Variants in FRMD4A observed in about 807,000 individuals in gnomAD.
The protein encoded by FRMD4A is FERM domain containing 4A, also known as FERM domain-containing protein 4A.
In FRMD4A, 29 loss-of-function variants were observed where a neutral mutation model predicts 129.1. The ratio of observed to expected loss-of-function variants is 0.22; its 90% CI spans 0.17 to 0.31. The LOEUF (loss-of-function observed/expected upper bound fraction) is 0.31, where lower values mean the gene tolerates loss of function less well. FRMD4A is among the 10% of genes least tolerant of loss of function. The pLI, the probability that FRMD4A is intolerant of heterozygous loss-of-function variation, is 1.00. For synonymous variants in FRMD4A, 634 were observed against 571.6 expected (o/e 1.11, Z -1.56); for missense variants, 1,272 against 1,375.8 (o/e 0.92, Z 1.19).
chr10:13,693,096 C>G (rs960454507), intron 15 of FRMD4A: 4 of 149,824 alleles, frequency 2.7e-5, no homozygotes, highest in Admixed American at 1.3e-4. Flanking sequence ...TGGTCTTAAA[C>G]TCCCTGGCCT....
At chr10:14,139,763 A>T (rs1480156733) in intron 2 of FRMD4A, among the ~76,000 whole-genome samples, 1 of 152,156 alleles carries the variant, frequency 6.6e-6, no homozygotes, top group African/African-American at 2.4e-5. Flanking sequence ...TATGTTTCCT[A>T]TAAGACATAT....
At chr10:13,745,868 C>T (rs1290746415) in intron 9 of FRMD4A, among the ~76,000 whole-genome samples, 17 of 152,130 alleles carry the variant, frequency 1.1e-4, no homozygotes, top group Non-Finnish European at 2.1e-4. Flanking sequence ...AGGGATGAGG[C>T]CCAGTGGCAC....
intron 7 of FRMD4A, 107 bp downstream of exon 7, chr10:13,762,517 A>T (rs947189291): frequency 2.9e-6 from 2 of 680,696 alleles, no homozygotes; most frequent in Non-Finnish European, 5.2e-6. Flanking sequence ...AAAAGGTAAG[A>T]CGACAAATAG....
chr10:13,766,337 C>T (rs1180455674), intron 6 of FRMD4A, among the ~76,000 whole-genome samples: 3 of 152,170 alleles, frequency 2.0e-5, no homozygotes, highest in South Asian at 2.1e-4. Context: ...GGTGACTTTT[C>T]GGGTGAAAAG....
At chr10:13,884,289 A>G (rs1323971963) in intron 2 of FRMD4A, among the ~76,000 whole-genome samples, 1 of 151,766 alleles carries the variant, frequency 6.6e-6, no homozygotes, top group African/African-American at 2.4e-5. Flanking sequence ...TATTTCTGCC[A>G]TTAACTTGTT....
intron 2 of FRMD4A, among the ~76,000 whole-genome samples, chr10:14,175,362 T>C (rs1372051537): frequency 1.3e-5 from 2 of 152,142 alleles, no homozygotes; most frequent in Non-Finnish European, 2.9e-5. Flanking sequence ...AATCACAGGC[T>C]GGTCCCAGGC....
In FRMD4A at chr10:14,319,349, C is replaced by CCTCTCT. The variant is rs10645584; in HGVS notation, c.45+10703_45+10708dup. Among the ~76,000 whole-genome samples the CCTCTCT allele has an allele frequency of 8.1e-4, 111 of 137,356 alleles. 2 individuals carry two copies. In the East Asian group the frequency reaches 9.2e-3, roughly 11 times the overall value. 90.1% of individuals were successfully genotyped at this position (137,356 alleles called of 152,430 possible). ...CAGTAGTAACTGAATATCTCTCTCTCCTCTCTCTCTCTCTCTCTCACACAC... is the reference window on the plus strand; with the variant it reads ...CAGTAGTAACTGAATATCTCTCTCTCCTCTCTCTCTCTCTCTCTCTCTCTCACACAC... On this transcript the variant is annotated intron_variant, in intron 2 of 24. Transcript: ENST00000357447.
At chr10:14,241,984 G>A (rs79612559) in intron 2 of FRMD4A, among the ~76,000 whole-genome samples, 436 of 152,210 alleles carry the variant, frequency 2.9e-3, no homozygotes, top group South Asian at 5.4e-3. Flanking sequence ...AGGAGTAGGA[G>A]GAAACTGCTG....
At chr10:14,103,448 G>A (rs1029935625) in intron 2 of FRMD4A, among the ~76,000 whole-genome samples, 1 of 152,228 alleles carries the variant, frequency 6.6e-6, no homozygotes, top group African/African-American at 2.4e-5. Context: ...ATCCACTGAG[G>A]TTGGTGGAGG....
intron 2 of FRMD4A, among the ~76,000 whole-genome samples, chr10:14,286,003 T>A (rs1330086489): frequency 1.3e-5 from 2 of 152,228 alleles, no homozygotes; most frequent in Non-Finnish European, 2.9e-5. Flanking sequence ...ATGAAAGAAC[T>A]TCTGAGTTCC....
intron 15 of FRMD4A, chr10:13,685,413 T>C (rs1176164046): frequency 2.0e-6 from 2 of 985,046 alleles, no homozygotes; most frequent in Admixed American, 1.2e-4. Context: ...ATTAGCAGCA[T>C]CCAGTAAAAT....
intron 2 of FRMD4A, among the ~76,000 whole-genome samples, chr10:14,042,889 C>A (rs1185030329): frequency 1.5e-5 from 2 of 131,260 alleles, no homozygotes; most frequent in Non-Finnish European, 3.1e-5. Flanking sequence ...CGTACCACTG[C>A]ACTCCAGCCT....
intron 2 of FRMD4A, among the ~76,000 whole-genome samples, chr10:13,971,099 C>T (rs2095515147): frequency 6.6e-6 from 1 of 152,214 alleles, no homozygotes; most frequent in Non-Finnish European, 1.5e-5. Flanking sequence ...TACACTCACA[C>T]ACACACACGT....
intron 2 of FRMD4A, among the ~76,000 whole-genome samples, chr10:13,874,376 G>C (rs369758358): frequency 7.3e-5 from 11 of 151,700 alleles, no homozygotes; most frequent in African/African-American, 2.7e-4. Flanking sequence ...TAAATCCCAG[G>C]TAGTTTATAA....
At chr10:13,672,272 C>T (rs977293022) in intron 16 of FRMD4A, among the ~76,000 whole-genome samples, 4 of 151,994 alleles carry the variant, frequency 2.6e-5, no homozygotes, top group Non-Finnish European at 5.9e-5. Flanking sequence ...TCAGACTCTG[C>T]AATTTTCTTC....
chr10:13,726,576 C>T lies in FRMD4A; in HGVS notation c.759+11268G>A, dbSNP rs550885181. Among the ~76,000 whole-genome samples, 16 of 152,296 alleles carry T rather than the reference C, an allele frequency of 1.1e-4. No individual in the cohort carries two copies. The East Asian group carries it at 2.5e-3, about 24-fold the overall frequency. ...CTTCAAGGCTTGTGGAATTAGATTGCGGAGTCCCATCCTCAGAGTTTCTGA... is the reference window on the plus strand; with the variant it reads ...CTTCAAGGCTTGTGGAATTAGATTGTGGAGTCCCATCCTCAGAGTTTCTGA... On this transcript the variant is annotated intron_variant, in intron 12 of 24. Transcript: ENST00000357447.
intron 12 of FRMD4A, among the ~76,000 whole-genome samples, chr10:13,719,661 A>G (rs114735125): frequency 6.6e-6 from 1 of 152,322 alleles, no homozygotes; most frequent in Admixed American, 6.5e-5. Flanking sequence ...GGAGGGGGAA[A>G]AAAAGCCTTA....
chr10:13,955,371 G>A (rs1433232494), intron 2 of FRMD4A, among the ~76,000 whole-genome samples: 2 of 152,166 alleles, frequency 1.3e-5, no homozygotes, highest in African/African-American at 2.4e-5. Flanking sequence ...GCCTTCCAAA[G>A]TGTTGGGATT....
At chr10:13,818,476 C>T (rs1588886593) in intron 3 of FRMD4A, among the ~76,000 whole-genome samples, 1 of 152,124 alleles carries the variant, frequency 6.6e-6, no homozygotes, top group Non-Finnish European at 1.5e-5. Flanking sequence ...AGCCTTTATT[C>T]CTTATGTTAT....
Sources: gnomAD v4.1 joint callset for allele counts (sites outside exome capture counted in the v4.1 genomes callset) on GRCh38, gnomAD v4.1.1 for gene constraint, MANE v1.5 for transcripts, NCBI Gene and HGNC (gene_info 2026-07-23, HGNC 2026-07-21) for gene names.